Variants in CDH13 observed in about 807,000 individuals in gnomAD.
CDH13 encodes cadherin-13.
CDH13 carries 24 observed loss-of-function variants against 63.8 expected under a neutral mutation model. The ratio of observed to expected loss-of-function variants is 0.38; its 90% CI spans 0.27 to 0.53. The LOEUF is 0.53. Ranked by LOEUF, CDH13 falls within the 20% of genes least tolerant of loss-of-function variation. The pLI is 0.85. For synonymous variants in CDH13, 503 were observed against 355.3 expected (o/e 1.42, Z -4.67); for missense variants, 1,049 against 903.1 (o/e 1.16, Z -2.07).
intron 7 of CDH13, among the ~76,000 whole-genome samples, chr16:83,492,407 G>T (rs940332050): frequency 2.0e-5 from 3 of 152,148 alleles, no homozygotes; most frequent in Admixed American, 6.5e-5. Context: ...GTTTTGGTGG[G>T]TGGGACCAGA....
chr16:83,518,875 G>A (rs928690403), intron 7 of CDH13, among the ~76,000 whole-genome samples: 34 of 152,182 alleles, frequency 2.2e-4, no homozygotes, highest in Middle Eastern at 3.4e-3. Flanking sequence ...ATGATTGTAC[G>A]TTTCCTGAAG....
intron 2 of CDH13, among the ~76,000 whole-genome samples, chr16:83,009,277 C>A (rs1913872369): frequency 6.6e-6 from 1 of 152,190 alleles, no homozygotes; most frequent in Non-Finnish European, 1.5e-5. Context: ...GACAGTGACA[C>A]AGAAAACCAG....
chr16:83,202,076 A>G (rs1277675869), intron 4 of CDH13, among the ~76,000 whole-genome samples: 1 of 152,152 alleles, frequency 6.6e-6, no homozygotes, highest in Non-Finnish European at 1.5e-5. Flanking sequence ...GTCTCTGCTA[A>G]TGGCCCCATA....
chr16:82,924,302 A>G (rs2042240701), intron 2 of CDH13, among the ~76,000 whole-genome samples: 1 of 152,206 alleles, frequency 6.6e-6, no homozygotes, highest in South Asian at 2.1e-4. Context: ...GAGACAATAT[A>G]AAAGCCTTTC....
intron 6 of CDH13, among the ~76,000 whole-genome samples, chr16:83,383,539 C>T (rs772829835): frequency 2.4e-4 from 36 of 152,160 alleles, no homozygotes; most frequent in Non-Finnish European, 3.4e-4. Context: ...TGGCATTCTA[C>T]TGCAAGGAAG....
At chr16:83,445,513 A>G (rs933498059) in intron 6 of CDH13, among the ~76,000 whole-genome samples, 3 of 152,148 alleles carry the variant, frequency 2.0e-5, no homozygotes, top group Non-Finnish European at 4.4e-5. Flanking sequence ...GGAAGCCAAG[A>G]TTCTGGACCG....
At chr16:83,338,327 C>T (rs1256486038) in intron 5 of CDH13, among the ~76,000 whole-genome samples, 2 of 152,070 alleles carry the variant, frequency 1.3e-5, no homozygotes, top group African/African-American at 4.8e-5. Flanking sequence ...TGTAATATGC[C>T]GGAGATGGAG....
At chr16:83,299,675 A>G (rs2089686823) in intron 5 of CDH13, among the ~76,000 whole-genome samples, 2 of 152,230 alleles carry the variant, frequency 1.3e-5, no homozygotes, top group South Asian at 4.1e-4. Context: ...CAGATTCATG[A>G]TAAAAACCAA....
intron 11 of CDH13, among the ~76,000 whole-genome samples, chr16:83,756,128 A>T (rs1213703118): frequency 1.3e-5 from 2 of 152,168 alleles, no homozygotes; most frequent in Admixed American, 1.3e-4. Context: ...AAGAAAGTAA[A>T]ACTAACAAAT....
At position 83,568,402 on chromosome 16, in the gene CDH13, T is replaced by C. The variant is rs1245642357; in HGVS notation, c.961-34052T>C. 2.6e-5 allele frequency among the ~76,000 whole-genome samples: 4 copies of C among 152,156 alleles called. No homozygotes were observed. The East Asian group carries it at 7.7e-4, about 29-fold the overall frequency. ...TGAGTCTTGTATGTCATTTCCAAAT[T>C]CAACGATTACTTGTTCACGGTTCAT... On this transcript the variant is annotated intron_variant, in intron 7 of 13. Transcript: ENST00000567109.
chr16:82,863,866 A>G (rs1038343332), intron 2 of CDH13, among the ~76,000 whole-genome samples: 1 of 149,216 alleles, frequency 6.7e-6, no homozygotes, highest in Non-Finnish European at 1.5e-5. Flanking sequence ...ATTTTTTTAA[A>G]TCCTAGATTG....
intron 3 of CDH13, among the ~76,000 whole-genome samples, chr16:83,101,075 G>C (rs1003364295): frequency 3.9e-5 from 6 of 151,998 alleles, no homozygotes; most frequent in African/African-American, 1.5e-4. Context: ...CCTACTATAT[G>C]CCAGACACTG....
intron 6 of CDH13, among the ~76,000 whole-genome samples, chr16:83,459,479 A>C (rs2073118250): frequency 6.6e-6 from 1 of 152,174 alleles, no homozygotes; most frequent in African/African-American, 2.4e-5. Flanking sequence ...ACTTTAATTA[A>C]TTTTGCCTTT....
At chr16:83,549,562 C>G (rs925938426) in intron 7 of CDH13, among the ~76,000 whole-genome samples, 6 of 151,906 alleles carry the variant, frequency 3.9e-5, no homozygotes, top group Non-Finnish European at 8.8e-5. Context: ...TGATCATATT[C>G]CAGCATAGAG....
chr16:83,218,138 GTGAT>G (rs376816539), intron 5 of CDH13, among the ~76,000 whole-genome samples: 27 of 152,166 alleles, frequency 1.8e-4, no homozygotes, highest in African/African-American at 4.6e-4. Context: ...GTATTTGGAA[GTGAT>G]TGATTGATTG....
At chr16:82,714,341 C>T (rs1030010312) in intron 1 of CDH13, among the ~76,000 whole-genome samples, 18 of 152,112 alleles carry the variant, frequency 1.2e-4, no homozygotes, top group African/African-American at 2.4e-5. Context: ...TATTTGGCAA[C>T]AGGGTCTTTG....
chr16:82,979,467 A>G (rs559588395), intron 2 of CDH13, among the ~76,000 whole-genome samples: 1 of 152,150 alleles, frequency 6.6e-6, no homozygotes, highest in Admixed American at 6.5e-5. Flanking sequence ...AGACGACTGG[A>G]TCATGGGGGT....
chr16:83,722,592 G>T (rs1909839567), intron 10 of CDH13, among the ~76,000 whole-genome samples: 1 of 152,168 alleles, frequency 6.6e-6, no homozygotes, highest in Admixed American at 6.5e-5. Flanking sequence ...GCAAAGAAAA[G>T]GAAAATAGCC....
chr16:83,223,434 C>G (rs2039756243), intron 5 of CDH13, among the ~76,000 whole-genome samples: 1 of 152,246 alleles, frequency 6.6e-6, no homozygotes, highest in South Asian at 2.1e-4. Context: ...CCTCCCAGCA[C>G]CATTACATTG....
Sources: gnomAD v4.1 joint callset for allele counts (sites outside exome capture counted in the v4.1 genomes callset) on GRCh38, gnomAD v4.1.1 for gene constraint, MANE v1.5 for transcripts, NCBI Gene and HGNC (gene_info 2026-07-23, HGNC 2026-07-21) for gene names.